VPS26A: variants seen among roughly 807,000 people sequenced by gnomAD.
The protein encoded by VPS26A is vacuolar protein sorting-associated protein 26A.
VPS26A carries 22 observed loss-of-function variants against 42.4 expected under a neutral mutation model. That is an observed-to-expected ratio of 0.52 (90% confidence interval 0.37 to 0.74). The LOEUF (loss-of-function observed/expected upper bound fraction) is 0.74. Among genes scored for constraint, VPS26A ranks in the 30% least tolerant of loss-of-function variants. The pLI, the probability that VPS26A is intolerant of heterozygous loss-of-function variation, is 0.00. For missense variants in VPS26A, 276 were observed against 379.2 expected, an observed-to-expected ratio of 0.73 and a Z score of 2.26; for synonymous variants, 110 against 123.5, an observed-to-expected ratio of 0.89 and a Z score of 0.73.
chr10:69,133,219 G>A (rs895258869), intron 2 of VPS26A, among the ~76,000 whole-genome samples, 172 bp downstream of exon 2: 2 of 151,702 alleles, frequency 1.3e-5, no homozygotes, highest in African/African-American at 4.8e-5. Flanking sequence ...TCCTGCAAAG[G>A]AAAGATTCTT....
chr10:69,166,322 G>A (rs1431603962), intron 7 of VPS26A, among the ~76,000 whole-genome samples: 2 of 152,230 alleles, frequency 1.3e-5, no homozygotes, highest in Middle Eastern at 3.4e-3. Context: ...TTCAATTTAG[G>A]ATTTACTAGA....
At chr10:69,134,679 G>A (rs1297975739) in intron 2 of VPS26A, among the ~76,000 whole-genome samples, 2 of 127,888 alleles carry the variant, frequency 1.6e-5, no homozygotes, top group South Asian at 2.4e-4. Context: ...TTTTTTTTTT[G>A]TACTGCATTG....
At chr10:69,158,765 C>T (rs563973358) in intron 5 of VPS26A, among the ~76,000 whole-genome samples, 19 of 152,282 alleles carry the variant, frequency 1.2e-4, no homozygotes, top group Non-Finnish European at 2.4e-4. Context: ...CATTGCCCAG[C>T]TCCAACAGTT....
chr10:69,137,069 C>T (rs932252504), intron 2 of VPS26A, among the ~76,000 whole-genome samples: 4 of 152,198 alleles, frequency 2.6e-5, no homozygotes, highest in Non-Finnish European at 5.9e-5. Flanking sequence ...GGATTACAGG[C>T]GTGAGCCACC....
chr10:69,155,997 A>G, intron 3 of VPS26A, 110 bp downstream of exon 3: 1 of 780,140 alleles, frequency 1.3e-6, no homozygotes, highest in Non-Finnish European at 2.1e-6. Context: ...GAAGGAAGGA[A>G]TTGATTTTGC....
At chr10:69,169,853 C>A (rs1264405291) in intron 8 of VPS26A, among the ~76,000 whole-genome samples, 1 of 152,150 alleles carries the variant, frequency 6.6e-6, no homozygotes, top group East Asian at 1.9e-4. Flanking sequence ...AGGTGATCCG[C>A]CTGCCTCAGC....
chr10:69,127,093 A>ATTTTTTTTTTTT (rs71035057), intron 1 of VPS26A, among the ~76,000 whole-genome samples: 988 of 97,474 alleles, frequency 0.01, no homozygotes, highest in Non-Finnish European at 0.011. Context: ...CACCCGGCCA[A>ATTTTTTTTTTTT]TTTTTTTTTT....
chr10:69,160,228 C>T (rs1300299286), intron 5 of VPS26A, among the ~76,000 whole-genome samples: 4 of 151,946 alleles, frequency 2.6e-5, no homozygotes, highest in Admixed American at 6.6e-5. Flanking sequence ...GGCGTGATCT[C>T]GGCTCACTGC....
At chr10:69,153,370 G>T (rs544370645) in intron 2 of VPS26A, among the ~76,000 whole-genome samples, 2 of 151,550 alleles carry the variant, frequency 1.3e-5, no homozygotes, top group African/African-American at 4.8e-5. Context: ...CTGAGACAAG[G>T]TCTTGCCCTG....
At chr10:69,158,305 A>T (rs1489723888) in intron 5 of VPS26A, 94 bp downstream of exon 5, 1 of 1,070,036 alleles carries the variant, frequency 9.3e-7, no homozygotes, top group African/African-American at 1.6e-5. Context: ...TAGAATTGAC[A>T]TTAATCTGAT....
chr10:69,149,081 G>GT (rs554603137), intron 2 of VPS26A, among the ~76,000 whole-genome samples: 39 of 150,218 alleles, frequency 2.6e-4, no homozygotes, highest in East Asian at 9.7e-4. Flanking sequence ...ATGTAGATCT[G>GT]TTTTTTTTTA....
At chr10:69,129,349 A>G (rs1287024037) in intron 1 of VPS26A, among the ~76,000 whole-genome samples, 5 of 152,148 alleles carry the variant, frequency 3.3e-5, no homozygotes, top group African/African-American at 1.2e-4. Flanking sequence ...TTCAGAATTT[A>G]CCATTTTGAG....
intron 2 of VPS26A, among the ~76,000 whole-genome samples, chr10:69,146,406 A>G (rs1421571212): frequency 1.3e-5 from 2 of 152,234 alleles, no homozygotes; most frequent in Non-Finnish European, 2.9e-5. Context: ...CTTTTTTAAA[A>G]AAATTGTGGT....
chr10:69,156,954 T>A, intron 3 of VPS26A, 53 bp from the exon 4 acceptor site: 4 of 1,494,238 alleles, frequency 2.7e-6, no homozygotes, highest in South Asian at 2.6e-5. Flanking sequence ...TGTCTGGGTT[T>A]TATTGAAATG....
At position 69,171,504 on chromosome 10, in the gene VPS26A, C is replaced by CTTTTTTT. The variant is rs767465234; in HGVS notation, c.*240_*246dup. ...AAACACTGGAACTTTGTTAAGCTGCCTTTTTTTTTTTAACTTCCTACTTTG... is the reference window on the plus strand; with the variant it reads ...AAACACTGGAACTTTGTTAAGCTGCCTTTTTTTTTTTTTTTTTTAACTTCCTACTTTG... On this transcript the variant is annotated 3_prime_UTR_variant, in exon 9 of 9. Transcript: ENST00000263559. The CTTTTTTT allele has an allele frequency of 9.0e-5, 26 of 289,508 alleles. No individual in the cohort carries two copies. Among genetic ancestry groups the CTTTTTTT allele is most frequent in the Non-Finnish European group, 1.3e-4 (21 of 160,074 alleles). 17.9% of individuals were successfully genotyped at this position (289,508 alleles called of 1,614,324 possible).
At chr10:69,133,643 G>A (rs753076107) in intron 2 of VPS26A, 45 of 1,268,048 alleles carry the variant, frequency 3.5e-5, no homozygotes, top group Non-Finnish European at 3.9e-5. Context: ...ATCCGGTAAT[G>A]TATACGGTTT....
At position 69,171,150 on chromosome 10, in the gene VPS26A, T is replaced by C; in HGVS notation, c.871-6T>C. 2 of 1,604,514 alleles carry C rather than the reference T, an allele frequency of 1.2e-6. No homozygotes were observed. Among genetic ancestry groups the C allele is most frequent in the Non-Finnish European group, 1.7e-6 (2 of 1,175,580 alleles). ...AATTTGTTAATATCTTGCATTTGTT[T>C]ACTAGGAGATAATTTTATGGAGAAA... On this transcript the variant is annotated splice_region_variant and splice_polypyrimidine_tract_variant and intron_variant, in intron 8 of 8. Transcript: ENST00000263559.
rs1233999045 is a variant in VPS26A, at chr10:69,174,128, C to T, written c.*2859C>T. ...CCATACTGTGGAAGCTCTGTTCTTT[C>T]ACTCTTCACGATACATCTTGCTGCT... On this transcript the variant is annotated 3_prime_UTR_variant, in exon 9 of 9. Transcript: ENST00000263559. Among the ~76,000 whole-genome samples, 2 of 152,242 alleles carry T rather than the reference C, an allele frequency of 1.3e-5. No individual in the cohort carries two copies. The highest frequency in any genetic ancestry group is 2.9e-5 in the Non-Finnish European group (2 of 68,046).
In VPS26A at chr10:69,136,863, C is replaced by T. The variant is rs539533225; in HGVS notation, c.153+3816C>T. Among the ~76,000 whole-genome samples, 17 of 152,166 alleles carry T rather than the reference C, an allele frequency of 1.1e-4. No individual in the cohort carries two copies. In the East Asian group the frequency reaches 3.3e-3, roughly 29 times the overall value. On this transcript the variant is annotated intron_variant, in intron 2 of 8. Transcript: ENST00000263559. ...CTGGAGTGCGATGGCGTGATCTCGG[C>T]TCACTGCAGCCTCCACCTCCCGGAT...
Sources: gnomAD v4.1 joint callset for allele counts (sites outside exome capture counted in the v4.1 genomes callset) on GRCh38, gnomAD v4.1.1 for gene constraint, MANE v1.5 for transcripts, NCBI Gene and HGNC (gene_info 2026-07-23, HGNC 2026-07-21) for gene names.